Variants in LOC101059915 observed in about 807,000 individuals in gnomAD.
the LOC101059915 span, chrX:71,671,202 T>C: frequency 1.7e-6 from 2 of 1,163,692 alleles, no homozygotes; most frequent in African/African-American, 3.6e-5. Flanking sequence ...GTCTCTCTGT[T>C]TCAGCTGCCA....
the LOC101059915 span, chrX:71,670,439 AT>A: frequency 3.6e-6 from 4 of 1,120,051 alleles, no homozygotes; most frequent in Non-Finnish European, 4.8e-6. Flanking sequence ...TCTGCCTACC[AT>A]ACCCCATGCA....
the LOC101059915 span, chrX:71,668,259 C>A: frequency 8.8e-7 from 1 of 1,131,184 alleles, no homozygotes; most frequent in Non-Finnish European, 1.2e-6. Flanking sequence ...TGAGCCCCAG[C>A]CCTGGAGAAT....
chrX:71,668,285 C>T, the LOC101059915 span: 1 of 1,132,218 alleles, frequency 8.8e-7, no homozygotes, highest in Non-Finnish European at 1.2e-6. Flanking sequence ...CAGGCCTCTG[C>T]CGGCCCTCTC....
the LOC101059915 span, chrX:71,669,835 TC>T: frequency 1.4e-6 from 1 of 715,424 alleles, no homozygotes; most frequent in Non-Finnish European, 1.9e-6. Context: ...CAGGCAGCTG[TC>T]CCACAGGAAA....
the LOC101059915 span, chrX:71,670,694 C>T: frequency 9.9e-6 from 11 of 1,109,383 alleles, no homozygotes; most frequent in African/African-American, 7.5e-5. Context: ...GGATGGACAG[C>T]GGTGTCGTTC....
chrX:71,667,700 A>T, the LOC101059915 span: 1 of 855,188 alleles, frequency 1.2e-6, no homozygotes, highest in Non-Finnish European at 1.5e-6. Flanking sequence ...CTCAAAGCTG[A>T]GAGTGGCCCC....
chrX:71,670,540 A>G, the LOC101059915 span: 2 of 1,081,859 alleles, frequency 1.8e-6, no homozygotes, highest in African/African-American at 3.8e-5. Flanking sequence ...GCTGGGGGAG[A>G]CAGGGAGAAC....
At chrX:71,669,088 C>T in the LOC101059915 span, 8 of 1,115,334 alleles carry the variant, frequency 7.2e-6, no homozygotes, top group South Asian at 1.8e-4. Context: ...TTGCTCTCCT[C>T]TTCCTCTTTC....
the LOC101059915 span, chrX:71,668,456 C>G: frequency 1.7e-6 from 2 of 1,161,139 alleles, no homozygotes; most frequent in Non-Finnish European, 2.3e-6. Context: ...AGCGACTTAC[C>G]GGTGATTAGG....
At chrX:71,669,042 G>C in the LOC101059915 span, 3 of 1,154,577 alleles carry the variant, frequency 2.6e-6, no homozygotes, top group Non-Finnish European at 3.5e-6. Flanking sequence ...GGGCCCAAGT[G>C]AGTAGGTTCT....
chrX:71,669,561 T>C, the LOC101059915 span: 5 of 959,215 alleles, frequency 5.2e-6, no homozygotes, highest in Non-Finnish European at 6.6e-6. Flanking sequence ...TGTTTTAGCT[T>C]CCCACACAGA....
the LOC101059915 span, chrX:71,671,034 C>A: frequency 1.3e-6 from 1 of 752,758 alleles, no homozygotes; most frequent in Admixed American, 8.8e-5. Flanking sequence ...CACCTGAGAA[C>A]CACTTTCCTG....
the LOC101059915 span, chrX:71,671,440 G>T: frequency 1.4e-5 from 6 of 418,546 alleles, no homozygotes; most frequent in Admixed American, 2.6e-4. Context: ...TCCATATCCT[G>T]TTCAGCCAGG....
the LOC101059915 span, chrX:71,670,933 ACTG>A: frequency 2.7e-6 from 2 of 751,826 alleles, no homozygotes; most frequent in African/African-American, 4.7e-5. Flanking sequence ...TTTTCCTTTA[ACTG>A]CTGCCTGGTA....
the LOC101059915 span, chrX:71,667,870 G>A: frequency 2.3e-5 from 25 of 1,105,966 alleles, no homozygotes; most frequent in East Asian, 1.7e-4. Flanking sequence ...CGAGCAGGCC[G>A]GCGCCCACAC....
the LOC101059915 span, chrX:71,668,214 G>A: frequency 9.0e-7 from 1 of 1,116,608 alleles, no homozygotes; most frequent in South Asian, 2.3e-5. Flanking sequence ...ACATCTGGGC[G>A]GACCTGGAGG....
the LOC101059915 span, chrX:71,669,161 T>C: frequency 1.1e-6 from 1 of 910,985 alleles, no homozygotes; most frequent in Non-Finnish European, 1.5e-6. Context: ...GCCCTCTCTA[T>C]CCCTTGCTCA....
chrX:71,668,426 CTG>C, the LOC101059915 span: 2 of 1,162,400 alleles, frequency 1.7e-6, no homozygotes, highest in Non-Finnish European at 2.3e-6. Context: ...ACTGACGACT[CTG>C]ATTCCGCAGA....
At chrX:71,670,104 A>G in the LOC101059915 span, among the ~76,000 whole-genome samples, 1 of 112,274 alleles carries the variant, frequency 8.9e-6, no homozygotes, top group African/African-American at 3.2e-5. Context: ...GAGGGAGAAC[A>G]GGGAAGACCG....
Sources: gnomAD v4.1 joint callset for allele counts (sites outside exome capture counted in the v4.1 genomes callset) on GRCh38, gnomAD v4.1.1 for gene constraint, MANE v1.5 for transcripts.